MIS18A: variants seen among roughly 807,000 people sequenced by gnomAD.
The protein encoded by MIS18A is protein Mis18-alpha.
In MIS18A, 14 loss-of-function variants were observed where a neutral mutation model predicts 25.0. The ratio of observed to expected loss-of-function variants is 0.56; its 90% CI spans 0.37 to 0.88. MIS18A has a LOEUF of 0.88. MIS18A is among the 40% of genes least tolerant of loss of function. The pLI, the probability that MIS18A is intolerant of heterozygous loss-of-function variation, is 0.00. For missense variants in MIS18A, 292 were observed against 290.8 expected (o/e 1.00, Z -0.03); for synonymous variants, 134 against 118.6 (o/e 1.13, Z -0.84).
Position 32,269,088 on chromosome 21 carries a change from C to CA in MIS18A, c.650dup (p.Met217IlefsTer16). 1 of 1,606,482 alleles carries CA rather than the reference C, an allele frequency of 6.2e-7. No individual in the cohort carries two copies. Among genetic ancestry groups the CA allele is most frequent in the South Asian group, 1.1e-5 (1 of 89,420 alleles). On this transcript the variant is annotated frameshift_variant, in exon 5 of 5. Coordinates refer to ENST00000290130, the MANE Select transcript of MIS18A (RefSeq NM_018944.3). LOFTEE classifies it high-confidence loss of function. ...ATTTGGATTCGGCCTCCCACAGCTT[C>CA]ATTTGTAATGCTTTCAAGACATCTT...
downstream of MIS18A, among the ~76,000 whole-genome samples, chr21:32,264,390 TC>T (rs1335330069): frequency 2.6e-5 from 4 of 152,224 alleles, no homozygotes; most frequent in Non-Finnish European, 5.9e-5. Context: ...ATATAGCATT[TC>T]AGATTATGTA....
At chr21:32,234,938 T>C in the MIS18A span, among the ~76,000 whole-genome samples, 2 of 152,352 alleles carry the variant, frequency 1.3e-5, no homozygotes, top group Middle Eastern at 6.8e-3. Context: ...GTAATTTTCA[T>C]AACTTTCCTC....
chr21:32,224,331 T>A, the MIS18A span, among the ~76,000 whole-genome samples: 17 of 149,960 alleles, frequency 1.1e-4, no homozygotes, highest in Non-Finnish European at 1.9e-4. Context: ...AAAGAGGAAG[T>A]CAAATTGTCC....
At chr21:32,161,652 C>A in the MIS18A span, among the ~76,000 whole-genome samples, 3 of 149,738 alleles carry the variant, frequency 2.0e-5, no homozygotes, top group East Asian at 5.9e-4. Flanking sequence ...CCACCACACC[C>A]GGCTAAATTT....
At chr21:32,175,680 G>A in the MIS18A span, among the ~76,000 whole-genome samples, 2 of 151,256 alleles carry the variant, frequency 1.3e-5, no homozygotes, top group Non-Finnish European at 2.9e-5. Flanking sequence ...GATGGTGGGT[G>A]CCTGTAATCC....
chr21:32,228,923 A>C, the MIS18A span, among the ~76,000 whole-genome samples: 1 of 152,200 alleles, frequency 6.6e-6, no homozygotes, highest in African/African-American at 2.4e-5. Flanking sequence ...GTTAAGCTGG[A>C]TTATGAAAAA....
At chr21:32,266,434 G>A (rs916100785), downstream of MIS18A, among the ~76,000 whole-genome samples, 7 of 152,010 alleles carry the variant, frequency 4.6e-5, no homozygotes, top group African/African-American at 1.7e-4. Context: ...CACTGTGGAA[G>A]CTTTGTTTTT....
At chr21:32,224,303 A>G in the MIS18A span, among the ~76,000 whole-genome samples, 7 of 147,798 alleles carry the variant, frequency 4.7e-5, no homozygotes, top group African/African-American at 1.6e-4. Flanking sequence ...GAAGGAAATA[A>G]AAGGTATTCA....
chr21:32,251,555 G>T, the MIS18A span, among the ~76,000 whole-genome samples: 1 of 152,154 alleles, frequency 6.6e-6, no homozygotes, highest in African/African-American at 2.4e-5. Context: ...TCAGATAGGG[G>T]TGTGACCTTT....
the MIS18A span, among the ~76,000 whole-genome samples, chr21:32,186,148 G>T: frequency 6.6e-6 from 1 of 152,196 alleles, no homozygotes; most frequent in Non-Finnish European, 1.5e-5. Flanking sequence ...ACATTGGCAT[G>T]GTCCTTTTTA....
the MIS18A span, among the ~76,000 whole-genome samples, chr21:32,218,731 G>A: frequency 1.3e-5 from 2 of 151,994 alleles, no homozygotes; most frequent in African/African-American, 2.4e-5. Context: ...ATAAAAGAAG[G>A]GAATAGTGGA....
chr21:32,225,345 C>A, the MIS18A span, among the ~76,000 whole-genome samples: 1 of 101,978 alleles, frequency 9.8e-6, no homozygotes, highest in East Asian at 2.5e-4. Context: ...AACAGGCAAC[C>A]TACAACATGG....
chr21:32,219,532 A>G, the MIS18A span, among the ~76,000 whole-genome samples: 1 of 152,342 alleles, frequency 6.6e-6, no homozygotes, highest in African/African-American at 2.4e-5. Context: ...CTGGGTTTCA[A>G]GAACAAAACT....
chr21:32,159,105 T>C, the MIS18A span, among the ~76,000 whole-genome samples: 1 of 152,210 alleles, frequency 6.6e-6, no homozygotes, highest in Non-Finnish European at 1.5e-5. Flanking sequence ...TGGACAAAGA[T>C]ATTGTACCTC....
At chr21:32,236,040 C>G in the MIS18A span, among the ~76,000 whole-genome samples, 5 of 151,294 alleles carry the variant, frequency 3.3e-5, no homozygotes, top group African/African-American at 1.2e-4. Flanking sequence ...GCCTTTTTTT[C>G]TCTGCTATTG....
At chr21:32,187,617 C>T in the MIS18A span, among the ~76,000 whole-genome samples, 3 of 152,162 alleles carry the variant, frequency 2.0e-5, 1 homozygote, top group African/African-American at 7.2e-5. Context: ...GTTAGTCCAT[C>T]CCTTTAAGGC....
chr21:32,158,276 G>A, the MIS18A span, among the ~76,000 whole-genome samples: 2 of 152,056 alleles, frequency 1.3e-5, no homozygotes, highest in African/African-American at 4.8e-5. Flanking sequence ...CTTTTCAAAA[G>A]AGAAATGGTG....
chr21:32,230,953 G>A, the MIS18A span, among the ~76,000 whole-genome samples: 1 of 151,692 alleles, frequency 6.6e-6, no homozygotes, highest in Non-Finnish European at 1.5e-5. Context: ...AACCCACACA[G>A]GCTGGGCGCA....
chr21:32,175,064 T>G, the MIS18A span, among the ~76,000 whole-genome samples: 1 of 152,208 alleles, frequency 6.6e-6, no homozygotes, highest in African/African-American at 2.4e-5. Flanking sequence ...ACCTAGATAG[T>G]ATAACCTACT....
Sources: allele counts gnomAD v4.1 joint callset (sites outside exome capture counted in the v4.1 genomes callset), GRCh38; gene constraint gnomAD v4.1.1; transcripts MANE v1.5; gene names NCBI Gene and HGNC (gene_info 2026-07-23, HGNC 2026-07-21).